The following PDE4D variants were observed in gnomAD, a reference collection of about 807,000 sequenced individuals.
PDE4D encodes phosphodiesterase 4D, also known as 3',5'-cyclic-AMP phosphodiesterase 4D.
Under a neutral mutation model 87.4 loss-of-function variants are expected in PDE4D, and 24 were observed. The ratio of observed to expected loss-of-function variants is 0.27; its 90% CI spans 0.20 to 0.39. The LOEUF is 0.39. PDE4D is among the 10% of genes least tolerant of loss of function. PDE4D has a pLI of 1.00. For missense variants in PDE4D, 714 were observed against 1,041.0 expected (o/e 0.69, Z 4.32); for synonymous variants, 384 against 383.2 (o/e 1.00, Z -0.02).
intron 9 of PDE4D, 78 bp from the exon 10 acceptor site, chr5:58,989,997 ATC>A: frequency 4.5e-6 from 4 of 880,852 alleles, no homozygotes; most frequent in Non-Finnish European, 5.3e-6. Flanking sequence ...AAAAAAAAAA[ATC>A]ACACACCAGT....
chr5:58,990,727 C>T, intron 9 of PDE4D, 77 bp downstream of exon 9: 2 of 760,808 alleles, frequency 2.6e-6, no homozygotes, highest in South Asian at 3.5e-5. Flanking sequence ...TTAAAAAAGA[C>T]AAAATGTATG....
At chr5:59,920,852 G>A (rs1042613179) in intron 3 of PDE4D, among the ~76,000 whole-genome samples, 16 of 141,424 alleles carry the variant, frequency 1.1e-4, no homozygotes, top group Admixed American at 8.8e-4. Context: ...ACACACTGGG[G>A]CCTGTCATGT....
chr5:59,810,086 T>C (rs923514911), intron 1 of PDE4D, among the ~76,000 whole-genome samples: 1 of 152,214 alleles, frequency 6.6e-6, no homozygotes, highest in East Asian at 1.9e-4. Flanking sequence ...GGTTAAGTCA[T>C]GCTCAAGAAA....
intron 1 of PDE4D, among the ~76,000 whole-genome samples, chr5:60,475,143 C>G (rs192537120): frequency 3.4e-4 from 52 of 152,194 alleles, no homozygotes; most frequent in East Asian, 3.3e-3. Context: ...TCTTCTCCCC[C>G]CTAATGTTAT....
chr5:60,514,232 G>A (rs1318212521), intron 1 of PDE4D, among the ~76,000 whole-genome samples: 1 of 151,980 alleles, frequency 6.6e-6, no homozygotes, highest in Admixed American at 6.6e-5. Context: ...TTGTTTATAT[G>A]AAATGGACGA....
intron 1 of PDE4D, among the ~76,000 whole-genome samples, chr5:60,364,881 C>A (rs771576823): frequency 2.0e-4 from 30 of 152,206 alleles, no homozygotes; most frequent in Non-Finnish European, 4.1e-4. Flanking sequence ...CCTTCCCATT[C>A]TTCTCTTTCT....
chr5:59,994,173 A>G (rs904896284), intron 2 of PDE4D, among the ~76,000 whole-genome samples: 5 of 151,924 alleles, frequency 3.3e-5, no homozygotes, highest in African/African-American at 1.2e-4. Context: ...AGGCATGCAC[A>G]TTACTAGGGT....
chr5:60,057,590 G>A (rs1012508604), intron 2 of PDE4D, among the ~76,000 whole-genome samples: 3 of 151,730 alleles, frequency 2.0e-5, no homozygotes, highest in African/African-American at 7.3e-5. Flanking sequence ...TTTTGATGCT[G>A]GTCTCCCATT....
At chr5:59,162,290 T>C (rs9647533) in intron 5 of PDE4D, among the ~76,000 whole-genome samples, 20,542 of 152,178 alleles carry the variant, frequency 0.13, 1,533 homozygotes, top group South Asian at 0.16. Flanking sequence ...CAAATTGTAA[T>C]ATTTTCCATT....
chr5:59,308,451 G>C (rs1013346393), intron 1 of PDE4D, among the ~76,000 whole-genome samples: 5 of 152,006 alleles, frequency 3.3e-5, no homozygotes, highest in Non-Finnish European at 7.4e-5. Flanking sequence ...CTCAGCATTT[G>C]TTTTTCTGAA....
intron 1 of PDE4D, among the ~76,000 whole-genome samples, chr5:60,243,418 C>T (rs558206648): frequency 2.0e-5 from 3 of 151,924 alleles, no homozygotes; most frequent in East Asian, 1.9e-4. Context: ...AACAATGTTA[C>T]TATTTTGAAA....
At chr5:59,325,479 T>G (rs908623393) in intron 1 of PDE4D, among the ~76,000 whole-genome samples, 4 of 152,166 alleles carry the variant, frequency 2.6e-5, no homozygotes, top group African/African-American at 9.6e-5. Context: ...ACCTACACAG[T>G]AGTGTATTAA....
At chr5:60,297,037 C>G (rs1282849041) in intron 1 of PDE4D, among the ~76,000 whole-genome samples, 1 of 152,080 alleles carries the variant, frequency 6.6e-6, no homozygotes, top group Non-Finnish European at 1.5e-5. Flanking sequence ...ACATGTATAC[C>G]TATGTAACAA....
At position 60,317,858 on chromosome 5, in the gene PDE4D, T is replaced by G. The variant is rs542442702; in HGVS notation, c.-89-132171A>C. 3.3e-5 allele frequency among the ~76,000 whole-genome samples: 5 copies of G among 152,330 alleles called. No homozygotes were observed. The East Asian group carries it at 9.6e-4, about 29-fold the overall frequency. On this transcript the variant is annotated intron_variant, in intron 1 of 16. Coordinates refer to the PDE4D transcript ENST00000502484. Reference sequence around the variant, plus strand: ...TTGCACTGTGGTCTGAAAGACAGTTTGTTATAATTTCTGTTCTTTTACATT... The same window carrying G: ...TTGCACTGTGGTCTGAAAGACAGTTGGTTATAATTTCTGTTCTTTTACATT...
At chr5:59,338,585 C>T (rs1778156563) in intron 1 of PDE4D, among the ~76,000 whole-genome samples, 2 of 152,158 alleles carry the variant, frequency 1.3e-5, no homozygotes, top group African/African-American at 2.4e-5. Context: ...ACCATTAAGT[C>T]CATGTCCCTA....
At chr5:60,443,029 C>T (rs746909482) in intron 1 of PDE4D, among the ~76,000 whole-genome samples, 3 of 151,556 alleles carry the variant, frequency 2.0e-5, no homozygotes, top group African/African-American at 4.9e-5. Context: ...AAGAGGACCA[C>T]GGAAGAAACA....
intron 2 of PDE4D, among the ~76,000 whole-genome samples, chr5:60,063,177 A>G (rs1771675202): frequency 6.6e-6 from 1 of 151,722 alleles, no homozygotes; most frequent in Non-Finnish European, 1.5e-5. Flanking sequence ...AAAGAAAAAG[A>G]GAAAGAAAAA....
At chr5:59,204,421 G>A (rs571969962) in intron 2 of PDE4D, among the ~76,000 whole-genome samples, 119 of 152,294 alleles carry the variant, frequency 7.8e-4, no homozygotes, top group African/African-American at 2.5e-3. Context: ...CTTCAAATTT[G>A]TTAGTTATAT....
chr5:60,063,895 T>C (rs1034458124), intron 2 of PDE4D, among the ~76,000 whole-genome samples: 2 of 152,012 alleles, frequency 1.3e-5, no homozygotes, highest in African/African-American at 4.8e-5. Context: ...ATGACAGTGA[T>C]ACAGGTCAAA....
Sources: gnomAD v4.1 joint callset for allele counts (sites outside exome capture counted in the v4.1 genomes callset) on GRCh38, gnomAD v4.1.1 for gene constraint, MANE v1.5 for transcripts, NCBI Gene and HGNC (gene_info 2026-07-23, HGNC 2026-07-21) for gene names.